Variants in GARS1 observed in about 807,000 individuals in gnomAD.
The protein encoded by GARS1 is glycine--tRNA ligase.
A neutral mutation model predicts 86.4 loss-of-function variants in GARS1; 46 were observed. The observed-to-expected ratio is 0.53, with a 90% confidence interval of 0.42 to 0.68. GARS1 has a LOEUF of 0.68. Ranked by LOEUF, GARS1 falls within the 30% of genes least tolerant of loss-of-function variation. The pLI is 0.00. For synonymous variants in GARS1, 342 were observed against 329.8 expected (o/e 1.04, Z -0.40); for missense variants, 797 against 915.6 (o/e 0.87, Z 1.67).
rs1327948913 is a variant in GARS1, at chr7:30,626,352, C to G, written c.1699+33C>G. On this transcript the variant is annotated intron_variant, in intron 13 of 16. Coordinates refer to ENST00000389266, the MANE Select transcript of GARS1 (RefSeq NM_002047.4). ...TGTAAAAATAATAAACAAAAAGTCACTGCTCCTTAAAGCTTTTGTTGTTGT... is the reference window on the plus strand; with the variant it reads ...TGTAAAAATAATAAACAAAAAGTCAGTGCTCCTTAAAGCTTTTGTTGTTGT... 5.4e-6 allele frequency: 7 copies of G among 1,287,698 alleles called. No homozygotes were observed. The African/African-American group carries it at 1.0e-4, about 19-fold the overall frequency. The allele number at this position is 1,287,698 out of a possible 1,614,324, so 79.8% of individuals were successfully genotyped here.
intron 6 of GARS1, among the ~76,000 whole-genome samples, chr7:30,607,198 TAGTC>T (rs1791502286): frequency 6.6e-6 from 1 of 152,256 alleles, no homozygotes; most frequent in Non-Finnish European, 1.5e-5. Flanking sequence ...GATATGCAGT[TAGTC>T]CATATATTTC....
At chr7:30,616,687 G>A (rs1045914496) in intron 9 of GARS1, among the ~76,000 whole-genome samples, 2 of 152,252 alleles carry the variant, frequency 1.3e-5, no homozygotes, top group South Asian at 2.1e-4. Flanking sequence ...AAATGATTAC[G>A]TGTACTCTAC....
chr7:30,627,217 G>A (rs192881347), intron 13 of GARS1: 2 of 358,756 alleles, frequency 5.6e-6, no homozygotes, highest in East Asian at 1.6e-4. Context: ...TTTTGTTCTT[G>A]GCTTGTCTTG....
Position 30,600,025 on chromosome 7 carries a change from G to T in GARS1, c.403G>T (p.Asp135Tyr), listed in dbSNP as rs778553007. Reference sequence around the variant, plus strand: ...TACCCTGAAGAGGAGGTTTTTCTATGATCAAGCTTTTGCTATTTATGGAGG... The same window carrying T: ...TACCCTGAAGAGGAGGTTTTTCTATTATCAAGCTTTTGCTATTTATGGAGG... ...EDTLKRRFFYDQAFAIYGGVS... is the reference protein window; with the variant it reads ...EDTLKRRFFYYQAFAIYGGVS... Residue 135 changes from aspartate (D) to tyrosine (Y), a missense_variant, in exon 3 of 17, where the codon GAT (aspartate) becomes TAT (tyrosine). Physicochemically the swap from Asp to Tyr is radical, Grantham distance 160 (BLOSUM62 -3). Around this residue, in one of 2 missense-constraint regions of GARS1, gnomAD observed 199 missense variants for 176.9 expected, o/e 1.12. Coordinates refer to ENST00000389266, the MANE Select transcript of GARS1 (RefSeq NM_002047.4). 49 of 1,612,250 alleles carry T rather than the reference G, an allele frequency of 3.0e-5. No individual in the cohort carries two copies. The highest frequency in any genetic ancestry group is 8.3e-5 in the Admixed American group (5 of 59,962).
In GARS1 at chr7:30,601,188, A is replaced by G. The variant is rs755839241; in HGVS notation, c.557A>G (p.Glu186Gly). 5.0e-6 allele frequency: 8 copies of G among 1,614,026 alleles called. No homozygotes were observed. In the Middle Eastern group the frequency reaches 6.6e-4, roughly 133 times the overall value. ...LEIDCTMLTP[E>G]PVLKTSGHVD... ...ATCGATTGCACCATGCTCACCCCTG[A>G]GCCAGTTTTAAAGTGAGATCTTACT... is the stretch of plus-strand genomic sequence containing the variant. The change falls in exon 4 of 17, where the codon GAG becomes GGG. Residue 186 changes from glutamate (E) to glycine (G), a missense_variant. Glu to Gly is a moderately conservative substitution (Grantham distance 98). This residue lies in a region of GARS1 where 598 missense variants were observed against 738.7 expected (regional missense o/e 0.81). Coordinates refer to ENST00000389266, the MANE Select transcript of GARS1 (RefSeq NM_002047.4).
chr7:30,617,167 C>T lies in GARS1; in HGVS notation c.1248C>T (p.Tyr416=), dbSNP rs1459723228. 4 of 1,613,980 alleles carry T rather than the reference C, an allele frequency of 2.5e-6. No individual in the cohort carries two copies. Residue 416 remains tyrosine, a synonymous_variant, in exon 10 of 17, where the codon TAC becomes TAT. Coordinates refer to ENST00000389266, the MANE Select transcript of GARS1 (RefSeq NM_002047.4). ...ATTTCATTGGCCGCATCTACCTCTA[C>T]CTCACGAAGGTTGGAATATCTCCAG... is the stretch of plus-strand genomic sequence containing the variant. ...LGYFIGRIYL[Y]LTKVGISPDK... is the part of the protein sequence containing the mutation.
chr7:30,631,679 G>A (rs1250155034), intron 15 of GARS1, 138 bp downstream of exon 15: 13 of 681,322 alleles, frequency 1.9e-5, no homozygotes, highest in Non-Finnish European at 3.4e-5. Flanking sequence ...CATGATTTTA[G>A]CCTGTACTCT....
chr7:30,632,801 G>A lies in GARS1; in HGVS notation c.2094+364G>A, dbSNP rs1228953222. Among the ~76,000 whole-genome samples the A allele has an allele frequency of 3.9e-5, 6 of 152,124 alleles. No individual in the cohort carries two copies. Among genetic ancestry groups the A allele is most frequent in the Admixed American group, 3.3e-4 (5 of 15,270 alleles). ...TTTAATGTTTTATTTTTACAGACGC[G>A]TATACATGTGTATGTATAAGCTTTT... is the stretch of plus-strand genomic sequence containing the variant. On this transcript the variant is annotated intron_variant, in intron 16 of 16. Transcript: ENST00000389266. The surrounding 1 kb of genome is among the most constrained non-coding windows in gnomAD (Gnocchi z 4.1).
chr7:30,594,769 T>C (rs902970712), upstream of GARS1: 16 of 646,638 alleles, frequency 2.5e-5, no homozygotes, highest in African/African-American at 3.0e-4. Context: ...GTGTCGAATC[T>C]GCGGCGGCGA....
intron 6 of GARS1, among the ~76,000 whole-genome samples, chr7:30,608,437 G>T (rs1438364133): frequency 6.6e-6 from 1 of 152,132 alleles, no homozygotes; most frequent in East Asian, 1.9e-4. Flanking sequence ...TGGTACCCGT[G>T]TCTTGAAGTT....
chr7:30,628,486 A>G, intron 13 of GARS1, 74 bp from the exon 14 acceptor site: 4 of 1,132,680 alleles, frequency 3.5e-6, no homozygotes, highest in Non-Finnish European at 5.3e-6. Flanking sequence ...CAGCTGGTGA[A>G]TTGTTTAGAG....
At chr7:30,621,037 T>C (rs976083519) in intron 10 of GARS1, among the ~76,000 whole-genome samples, 3 of 151,610 alleles carry the variant, frequency 2.0e-5, no homozygotes, top group Non-Finnish European at 4.4e-5. Context: ...CAGTGTGAAT[T>C]ATATATTTTT....
chr7:30,604,727 C>T (rs1584027858), intron 6 of GARS1, among the ~76,000 whole-genome samples: 2 of 152,098 alleles, frequency 1.3e-5, no homozygotes, highest in East Asian at 3.8e-4. Flanking sequence ...AAAATTATTT[C>T]TTACATTTTG....
At chr7:30,630,906 T>C (rs1438951874) in intron 14 of GARS1, among the ~76,000 whole-genome samples, 3 of 152,206 alleles carry the variant, frequency 2.0e-5, no homozygotes, top group African/African-American at 7.2e-5. Context: ...GGAACATCTT[T>C]TTTTGTTTTG....
At chr7:30,611,029 C>G (rs1374474415) in intron 7 of GARS1, among the ~76,000 whole-genome samples, 3 of 152,076 alleles carry the variant, frequency 2.0e-5, no homozygotes, top group African/African-American at 7.2e-5. Flanking sequence ...GGGTTTTTAG[C>G]CCTTGGTTTT....
At chr7:30,626,980 CAAAAAAA>C in intron 13 of GARS1, 2 of 313,326 alleles carry the variant, frequency 6.4e-6, no homozygotes, top group South Asian at 4.4e-5. Flanking sequence ...GACTCCGTCT[CAAAAAAA>C]AAAAAAAAAG....
intron 6 of GARS1, among the ~76,000 whole-genome samples, chr7:30,608,003 T>A (rs980272903): frequency 9.2e-5 from 14 of 152,348 alleles, no homozygotes; most frequent in Admixed American, 7.8e-4. Flanking sequence ...TGGTCCCTCA[T>A]AGTATATAGA....
chr7:30,630,909 T>C (rs1783223785), intron 14 of GARS1, among the ~76,000 whole-genome samples: 1 of 152,212 alleles, frequency 6.6e-6, no homozygotes. Context: ...ACATCTTTTT[T>C]TGTTTTGTAC....
At chr7:30,601,247 A>G in intron 4 of GARS1, 47 bp downstream of exon 4, 1 of 1,508,074 alleles carries the variant, frequency 6.6e-7, no homozygotes, top group Non-Finnish European at 9.1e-7. Context: ...AAATAAAATA[A>G]CTTATTAAAT....
Sources: allele counts gnomAD v4.1 joint callset (sites outside exome capture counted in the v4.1 genomes callset), GRCh38; gene constraint gnomAD v4.1.1; regional missense constraint gnomAD v4.1.1; non-coding constraint Gnocchi (gnomAD v3.1); transcripts MANE v1.5; gene names NCBI Gene and HGNC (gene_info 2026-07-23, HGNC 2026-07-21).